Variants in ADAMTSL1 observed in about 807,000 individuals in gnomAD.
The protein encoded by ADAMTSL1 is ADAMTS like 1, also known as ADAMTS-like protein 1.
A neutral mutation model predicts 201.8 loss-of-function variants in ADAMTSL1; 126 were observed. That is an observed-to-expected ratio of 0.62 (90% CI 0.54 to 0.72). The LOEUF is 0.72. Ranked by LOEUF, ADAMTSL1 falls within the 30% of genes least tolerant of loss-of-function variation. ADAMTSL1 has a pLI of 0.00. For synonymous variants in ADAMTSL1, 1,121 were observed against 903.4 expected (o/e 1.24, Z -4.32); for missense variants, 2,679 against 2,277.8 (o/e 1.18, Z -3.59).
intron 2 of ADAMTSL1, among the ~76,000 whole-genome samples, chr9:18,430,877 T>C (rs572327694): frequency 6.6e-6 from 1 of 152,316 alleles, no homozygotes; most frequent in Admixed American, 6.5e-5. Flanking sequence ...GGAAGTGGGT[T>C]AGAATGATTA....
chr9:18,237,217 G>A (rs1830883477), intron 2 of ADAMTSL1, among the ~76,000 whole-genome samples: 1 of 152,172 alleles, frequency 6.6e-6, no homozygotes, highest in African/African-American at 2.4e-5. Context: ...TCCAATGTGG[G>A]AGATGGGCCC....
In ADAMTSL1 at chr9:18,826,476, A is replaced by G. The variant is rs774538087; in HGVS notation, c.4114+13A>G. On this transcript the variant is annotated intron_variant, in intron 22 of 28. Transcript: ENST00000380548. ...CTGCTGATCCTAGGTAAACACTTCAAAGCTGGCTGCCTCTGCTGCACCCTG... is the reference window on the plus strand; with the variant it reads ...CTGCTGATCCTAGGTAAACACTTCAGAGCTGGCTGCCTCTGCTGCACCCTG... The G allele has an allele frequency of 1.2e-6, 2 of 1,607,228 alleles. No homozygotes were observed. The highest frequency in any genetic ancestry group is 2.2e-5 in the East Asian group (1 of 44,648).
At chr9:18,076,367 A>C (rs1263904437) in intron 1 of ADAMTSL1, among the ~76,000 whole-genome samples, 1 of 152,336 alleles carries the variant, frequency 6.6e-6, no homozygotes, top group East Asian at 1.9e-4. Context: ...ACAGGTAAAT[A>C]CCACTGATAC....
intron 2 of ADAMTSL1, among the ~76,000 whole-genome samples, chr9:18,511,658 T>A (rs1818031931): frequency 1.3e-5 from 2 of 152,178 alleles, no homozygotes; most frequent in Non-Finnish European, 2.9e-5. Flanking sequence ...AGGTCTCATT[T>A]CATAATAATT....
rs1026217753 is a variant in ADAMTSL1, at chr9:17,999,605, C to T, written c.87+92683C>T. Among the ~76,000 whole-genome samples, 5 of 147,490 alleles carry T rather than the reference C, an allele frequency of 3.4e-5. No individual in the cohort carries two copies. In the Admixed American group the frequency reaches 3.4e-4, roughly 10 times the overall value. On this transcript the variant is annotated intron_variant, in intron 1 of 29. Coordinates refer to the ADAMTSL1 transcript ENST00000680146. ...GCCCCCCAGAAAATATTTTCAGACACTTTTTTTTTTTATTATACTTTAAGT... is the reference window on the plus strand; with the variant it reads ...GCCCCCCAGAAAATATTTTCAGACATTTTTTTTTTTTATTATACTTTAAGT...
At chr9:18,140,730 A>G (rs930045835) in intron 1 of ADAMTSL1, among the ~76,000 whole-genome samples, 1 of 152,204 alleles carries the variant, frequency 6.6e-6, no homozygotes, top group African/African-American at 2.4e-5. Context: ...CCAGAAGCCA[A>G]CCAAGGACCA....
intron 1 of ADAMTSL1, among the ~76,000 whole-genome samples, chr9:18,483,844 A>G (rs1476804873): frequency 6.6e-6 from 1 of 152,160 alleles, no homozygotes; most frequent in Non-Finnish European, 1.5e-5. Context: ...AACAAAAACA[A>G]AACAAAACAA....
intron 2 of ADAMTSL1, among the ~76,000 whole-genome samples, chr9:18,254,902 A>C (rs1297408549): frequency 6.6e-6 from 1 of 152,130 alleles, no homozygotes; most frequent in Non-Finnish European, 1.5e-5. Context: ...GCAAGAATTA[A>C]ATTGGTAATC....
intron 9 of ADAMTSL1, among the ~76,000 whole-genome samples, chr9:18,669,519 A>G (rs1829683964): frequency 6.6e-6 from 1 of 152,128 alleles, no homozygotes; most frequent in South Asian, 2.1e-4. Flanking sequence ...GCCCAGATAA[A>G]TGAATGTTGC....
chr9:18,897,149 C>G (rs755149700), intron 26 of ADAMTSL1, among the ~76,000 whole-genome samples: 2 of 152,200 alleles, frequency 1.3e-5, no homozygotes, highest in African/African-American at 4.8e-5. Flanking sequence ...AAGTGGGACC[C>G]TGATCCATCT....
intron 1 of ADAMTSL1, among the ~76,000 whole-genome samples, chr9:18,133,327 C>T (rs145387046): frequency 1.3e-5 from 2 of 152,234 alleles, no homozygotes; most frequent in African/African-American, 4.8e-5. Context: ...GCTCTGACTC[C>T]AGATTGCCAG....
chr9:18,896,036 G>A (rs1829615422), intron 26 of ADAMTSL1, among the ~76,000 whole-genome samples: 1 of 152,148 alleles, frequency 6.6e-6, no homozygotes, highest in Non-Finnish European at 1.5e-5. Context: ...CTTGAAGATA[G>A]ATAGGCCAAT....
intron 1 of ADAMTSL1, among the ~76,000 whole-genome samples, chr9:18,020,897 T>C (rs2131582568): frequency 6.6e-6 from 1 of 152,232 alleles, no homozygotes; most frequent in East Asian, 1.9e-4. Flanking sequence ...AAAGCCATGA[T>C]TATATCAAGG....
chr9:18,810,270 G>C (rs1439811802), intron 20 of ADAMTSL1, among the ~76,000 whole-genome samples: 1 of 152,184 alleles, frequency 6.6e-6, no homozygotes, highest in African/African-American at 2.4e-5. Flanking sequence ...TAGAGCCTAT[G>C]CATGCATTCC....
At chr9:18,179,311 A>T (rs1331897417) in intron 2 of ADAMTSL1, among the ~76,000 whole-genome samples, 2 of 152,186 alleles carry the variant, frequency 1.3e-5, no homozygotes, top group Non-Finnish European at 2.9e-5. Context: ...TGAAGCGAGA[A>T]GGGAAGTTTA....
intron 2 of ADAMTSL1, among the ~76,000 whole-genome samples, chr9:18,176,007 CAAAAAAAAAAAAAAA>C (rs57982328): frequency 1.6e-5 from 1 of 62,578 alleles, no homozygotes; most frequent in Non-Finnish European, 2.9e-5. Context: ...AGAGGGAAAG[CAAAAAAAAAAAAAAA>C]AAAAAAAAAA....
chr9:18,403,048 G>A (rs1017571298), intron 2 of ADAMTSL1, among the ~76,000 whole-genome samples: 9 of 152,146 alleles, frequency 5.9e-5, no homozygotes, highest in African/African-American at 2.2e-4. Flanking sequence ...CTAGTAAATG[G>A]CAGAGCTGTG....
rs1156690194 is a variant in ADAMTSL1 at position 18,024,141 on chromosome 9, T to C, written c.87+117219T>C. Among the ~76,000 whole-genome samples, 4 of 152,162 alleles carry C rather than the reference T, an allele frequency of 2.6e-5. No individual in the cohort carries two copies. In the East Asian group the frequency reaches 7.7e-4, roughly 29 times the overall value. Reference sequence around the variant, plus strand: ...TGCTTTATTTTTTTATTGGTAAAAATGGATTGATATCTTTGTCTTGATAAT... The same window carrying C: ...TGCTTTATTTTTTTATTGGTAAAAACGGATTGATATCTTTGTCTTGATAAT... On this transcript the variant is annotated intron_variant, in intron 1 of 29. Coordinates refer to the ADAMTSL1 transcript ENST00000680146.
intron 20 of ADAMTSL1, among the ~76,000 whole-genome samples, chr9:18,806,335 A>G (rs1823115937): frequency 6.6e-6 from 1 of 152,180 alleles, no homozygotes; most frequent in Non-Finnish European, 1.5e-5. Flanking sequence ...ATCTGCTAGA[A>G]CTCAGTTCCA....
Sources: gnomAD v4.1 joint callset for allele counts (sites outside exome capture counted in the v4.1 genomes callset) on GRCh38, gnomAD v4.1.1 for gene constraint, MANE v1.5 for transcripts, NCBI Gene and HGNC (gene_info 2026-07-23, HGNC 2026-07-21) for gene names.